The following TPRG1 variants were observed in gnomAD, a reference collection of about 807,000 sequenced individuals.
TPRG1 encodes tumor protein p63 regulated 1, also known as tumor protein p63-regulated gene 1 protein.
TPRG1 carries 29 observed loss-of-function variants against 29.3 expected under a neutral mutation model. That is an observed-to-expected ratio of 0.99 (90% CI 0.74 to 1.35). The LOEUF (loss-of-function observed/expected upper bound fraction) is 1.35. Ranked by LOEUF, TPRG1 falls within the 40% of genes most tolerant of loss-of-function variation. The pLI, the probability that TPRG1 is intolerant of heterozygous loss-of-function variation, is 0.00. For synonymous variants in TPRG1, 130 were observed against 116.8 expected (o/e 1.11, Z -0.73); for missense variants, 327 against 335.0 (o/e 0.98, Z 0.19).
rs577798837 is a variant in TPRG1, at chr3:189,184,866, G to A, written c.-10+12735G>A. On this transcript the variant is annotated intron_variant, in intron 1 of 5. Transcript: ENST00000345063. Reference sequence around the variant, plus strand: ...AACACTCAGTGTTAGCAGTGGGGGTGAGATTCGCAACAGCAGAGCGGATGG... The same window carrying A: ...AACACTCAGTGTTAGCAGTGGGGGTAAGATTCGCAACAGCAGAGCGGATGG... Among the ~76,000 whole-genome samples, 67 of 152,334 alleles carry A rather than the reference G, an allele frequency of 4.4e-4. 2 individuals are homozygous for A. The South Asian group carries it at 0.013, about 31-fold the overall frequency.
At chr3:189,205,753 A>G (rs548188857) in intron 1 of TPRG1, among the ~76,000 whole-genome samples, 5 of 152,246 alleles carry the variant, frequency 3.3e-5, no homozygotes, top group Non-Finnish European at 7.3e-5. Context: ...CTAAGCTAAC[A>G]TGTGTCTTCT....
chr3:189,021,018 T>C (rs1713273253), intron 3 of TPRG1, among the ~76,000 whole-genome samples: 1 of 149,528 alleles, frequency 6.7e-6, no homozygotes, highest in African/African-American at 2.5e-5. Flanking sequence ...TCTTTGTTGG[T>C]TTAAAGTCTG....
At chr3:189,190,151 C>T (rs1220808580) in intron 1 of TPRG1, among the ~76,000 whole-genome samples, 5 of 152,198 alleles carry the variant, frequency 3.3e-5, no homozygotes, top group African/African-American at 1.2e-4. Context: ...TCTGGTGAAA[C>T]CTATATCGAA....
At chr3:189,138,189 A>G (rs1724022521) in intron 3 of TPRG1, among the ~76,000 whole-genome samples, 1 of 152,222 alleles carries the variant, frequency 6.6e-6, no homozygotes, top group Admixed American at 6.5e-5. Flanking sequence ...TACTCAATAC[A>G]AAAGTGTAAT....
Position 189,182,222 on chromosome 3 carries a change from A to G in TPRG1, c.-10+10091A>G, listed in dbSNP as rs116275800. On this transcript the variant is annotated intron_variant, in intron 1 of 5. Coordinates refer to ENST00000345063, the MANE Select transcript of TPRG1 (RefSeq NM_198485.4). ...TTTAGTTAGGAATTCATAAGCTTGC[A>G]TAATTGGTGTGTCCATTCTGAAAAT... Among the ~76,000 whole-genome samples the G allele has an allele frequency of 5.7e-3, 868 of 152,336 alleles. 9 individuals carry two copies. Among genetic ancestry groups the G allele is most frequent in the African/African-American group, 0.018 (761 of 41,570 alleles).
rs113688218 is a variant in TPRG1, at chr3:189,223,035, T to A, written c.302+7652T>A. On this transcript the variant is annotated intron_variant, in intron 3 of 5. Coordinates refer to ENST00000345063, the MANE Select transcript of TPRG1 (RefSeq NM_198485.4). ...CTCACATTATACGATAAAGTGTAGT[T>A]CATTGTGCACTTTGTGAAGAAGGCA... is the stretch of plus-strand genomic sequence containing the variant. 9.0e-3 allele frequency among the ~76,000 whole-genome samples: 1,364 copies of A among 152,318 alleles called. 21 individuals carry two copies. Among genetic ancestry groups the A allele is most frequent in the African/African-American group, 0.032 (1,311 of 41,568 alleles).
intron 4 of TPRG1, among the ~76,000 whole-genome samples, chr3:189,298,145 T>C (rs757416545): frequency 3.3e-5 from 5 of 152,216 alleles, no homozygotes; most frequent in Non-Finnish European, 7.3e-5. Context: ...CACTGTGGAA[T>C]GTAGGTGAAT....
chr3:189,271,165 C>T (rs1320624671), intron 4 of TPRG1, among the ~76,000 whole-genome samples: 1 of 152,232 alleles, frequency 6.6e-6, no homozygotes, highest in Non-Finnish European at 1.5e-5. Context: ...TTCTTTATTC[C>T]TAGGTGAGGT....
At chr3:189,269,292 C>G (rs1714679326) in intron 4 of TPRG1, among the ~76,000 whole-genome samples, 1 of 152,168 alleles carries the variant, frequency 6.6e-6, no homozygotes, top group Admixed American at 6.5e-5. Flanking sequence ...AGGTCGTAAA[C>G]TGTGACTCTC....
At chr3:189,022,513 T>G (rs569100290) in intron 3 of TPRG1, among the ~76,000 whole-genome samples, 1 of 151,702 alleles carries the variant, frequency 6.6e-6, no homozygotes, top group Admixed American at 6.6e-5. Flanking sequence ...AGTGTGCCCC[T>G]GCTGGGGGGT....
At chr3:189,288,408 G>A (rs1394245375) in intron 4 of TPRG1, among the ~76,000 whole-genome samples, 2 of 151,982 alleles carry the variant, frequency 1.3e-5, no homozygotes, top group Middle Eastern at 6.8e-3. Context: ...ATAGCACATA[G>A]GATGACTAAG....
At chr3:189,192,352 A>G (rs1731824610) in intron 1 of TPRG1, among the ~76,000 whole-genome samples, 1 of 152,198 alleles carries the variant, frequency 6.6e-6, no homozygotes, top group Admixed American at 6.5e-5. Flanking sequence ...TTGTTCAGCT[A>G]ATACATAATG....
chr3:189,012,499 T>G (rs1482424380), intron 3 of TPRG1, among the ~76,000 whole-genome samples: 1 of 152,146 alleles, frequency 6.6e-6, no homozygotes, highest in East Asian at 1.9e-4. Context: ...GATAAGCTTT[T>G]TGATGTGCTG....
At position 189,320,650 on chromosome 3, in the gene TPRG1, G is replaced by T; in HGVS notation, c.658G>T (p.Val220Phe). 1 of 1,610,736 alleles carries T rather than the reference G, an allele frequency of 6.2e-7. No homozygotes were observed. The highest frequency in any genetic ancestry group is 2.2e-5 in the East Asian group (1 of 44,724). ...GTTGTCTGGGTTCATGTCTAAGCTT[G>T]TTCCAGCTATCCAGAATGCCCACAA... ...CKLSGFMSKLVPAIQNAHKNS... is the reference protein window; with the variant it reads ...CKLSGFMSKLFPAIQNAHKNS... Residue 220 changes from valine to phenylalanine, a missense_variant, in exon 6 of 6, where the codon GTT becomes TTT. Physicochemically the swap from Val to Phe is conservative, Grantham distance 50. Coordinates refer to ENST00000345063, the MANE Select transcript of TPRG1 (RefSeq NM_198485.4).
chr3:189,071,937 T>TA (rs2152155504), intron 4 of TPRG1, among the ~76,000 whole-genome samples: 1 of 152,314 alleles, frequency 6.6e-6, no homozygotes, highest in East Asian at 1.9e-4. Flanking sequence ...ACTGTAGACT[T>TA]ACAGCATGGT....
intron 1 of TPRG1, chr3:189,120,317 C>A (rs1721680741): frequency 6.6e-6 from 1 of 152,146 alleles, no homozygotes; most frequent in South Asian, 2.1e-4. Context: ...TAAGAAAAGG[C>A]AAGAAAATTG....
At chr3:189,034,402 T>G (rs1714127354) in intron 4 of TPRG1, among the ~76,000 whole-genome samples, 1 of 152,138 alleles carries the variant, frequency 6.6e-6, no homozygotes, top group South Asian at 2.1e-4. Context: ...TATGATCAGA[T>G]AGCAAATTAA....
intron 3 of TPRG1, among the ~76,000 whole-genome samples, chr3:189,021,539 T>C (rs1713309033): frequency 6.6e-6 from 1 of 152,204 alleles, no homozygotes; most frequent in South Asian, 2.1e-4. Flanking sequence ...TTCTTTTCTT[T>C]AAGAATGTTG....
chr3:189,162,251 C>G (rs1262698228), intron 5 of TPRG1, among the ~76,000 whole-genome samples: 1 of 152,100 alleles, frequency 6.6e-6, no homozygotes, highest in Non-Finnish European at 1.5e-5. Context: ...CTTCAGCCTC[C>G]CAAAGTGCTG....
Sources: allele counts gnomAD v4.1 joint callset (sites outside exome capture counted in the v4.1 genomes callset), GRCh38; gene constraint gnomAD v4.1.1; transcripts MANE v1.5; gene names NCBI Gene and HGNC (gene_info 2026-07-23, HGNC 2026-07-21).